VSIG10L2: variants seen among roughly 807,000 people sequenced by gnomAD.
The protein encoded by VSIG10L2 is V-set and immunoglobulin domain containing 10 like 2.
VSIG10L2 carries 56 observed loss-of-function variants against 67.1 expected under a neutral mutation model. That is an observed-to-expected ratio of 0.83 (90% CI 0.67 to 1.04). The LOEUF (loss-of-function observed/expected upper bound fraction) is 1.04. VSIG10L2 is among the 50% of genes least tolerant of loss of function. The pLI, the probability that VSIG10L2 is intolerant of heterozygous loss-of-function variation, is 0.00. For synonymous variants in VSIG10L2, 360 were observed against 396.6 expected (o/e 0.91, Z 1.10); for missense variants, 843 against 932.8 (o/e 0.90, Z 1.25).
chr11:125,950,339 C>T (rs10893451), intron 4 of VSIG10L2, 50 bp downstream of exon 4: 258,197 of 1,231,432 alleles, frequency 0.21, 28,112 homozygotes, highest in East Asian at 0.43. Flanking sequence ...GGACAACTCA[C>T]GCTGGAGCCT....
At chr11:125,950,390 G>A (rs1457840723) in intron 4 of VSIG10L2, 101 bp downstream of exon 4, 1 of 1,173,174 alleles carries the variant, frequency 8.5e-7, no homozygotes, top group Non-Finnish European at 1.1e-6. Flanking sequence ...GTCCCGTGGA[G>A]AGGCGTGTGC....
chr11:125,953,894 C>A (rs1945413027), intron 7 of VSIG10L2, among the ~76,000 whole-genome samples, 193 bp from the exon 8 acceptor site: 1 of 152,212 alleles, frequency 6.6e-6, no homozygotes, highest in African/African-American at 2.4e-5. Context: ...GAACGCCATG[C>A]AGGCAGGATC....
At position 125,949,999 on chromosome 11, in the gene VSIG10L2, T is replaced by C. The variant is rs1945344485; in HGVS notation, c.710-15T>C. On this transcript the variant is annotated splice_polypyrimidine_tract_variant and intron_variant, in intron 3 of 11. Coordinates refer to ENST00000686984, the MANE Select transcript of VSIG10L2 (RefSeq NM_001365077.2). ...TGAAGCTGGGGAGGTGTAACTGGCC[T>C]TCCTTGCTCTCCAGATGGTCCTGAC... The C allele has an allele frequency of 2.4e-5, 30 of 1,232,424 alleles. No individual in the cohort carries two copies. The highest frequency in any genetic ancestry group is 3.0e-5 in the Non-Finnish European group (30 of 988,192). The allele number at this position is 1,232,424 out of a possible 1,614,324, so 76.3% of individuals were successfully genotyped here.
At chr11:125,953,287 T>C (rs774164726) in intron 6 of VSIG10L2, 113 bp from the exon 7 acceptor site, 117 of 916,794 alleles carry the variant, frequency 1.3e-4, no homozygotes, top group African/African-American at 2.4e-4. Flanking sequence ...ACAAGCCTCA[T>C]TGTCAACTCC....
Position 125,948,381 on chromosome 11 carries a change from A to G in VSIG10L2, c.510A>G (p.Ala170=), listed in dbSNP as rs898215933. ...VEGASVVATC[A]VREGTEPVTF... ...GAGCCTCCGTGGTGGCCACGTGTGC[A>G]GTGCGGGAGGGCACAGAGCCCGTGA... Residue 170 remains alanine (A), a synonymous_variant, in exon 3 of 12, where the codon GCA becomes GCG. Transcript: ENST00000686984. 5 of 1,232,150 alleles carry G rather than the reference A, an allele frequency of 4.1e-6. No individual in the cohort carries two copies. In the African/African-American group the frequency reaches 7.8e-5, roughly 19 times the overall value. 76.3% of individuals were successfully genotyped at this position (1,232,150 alleles called of 1,614,324 possible). A position where few individuals can be genotyped will look rare whatever the true frequency, so the allele number is the denominator to read the frequency against.
Position 125,956,234 on chromosome 11 carries a change from G to A in VSIG10L2, c.*320G>A. On this transcript the variant is annotated 3_prime_UTR_variant, in exon 12 of 12. Coordinates refer to ENST00000686984, the MANE Select transcript of VSIG10L2 (RefSeq NM_001365077.2). ...ACTGGGAAGGATCTGTGGTGCTATA[G>A]AAGTATGAGCAAGCTAGCTGCTTCC... 1.9e-6 allele frequency: 1 copy of A among 529,984 alleles called. No individual in the cohort carries two copies. Among genetic ancestry groups the A allele is most frequent in the Non-Finnish European group, 3.6e-6 (1 of 276,964 alleles). 32.8% of individuals were successfully genotyped at this position (529,984 alleles called of 1,614,324 possible).
chr11:125,952,755 G>T (rs1945394553), intron 6 of VSIG10L2, among the ~76,000 whole-genome samples: 1 of 152,168 alleles, frequency 6.6e-6, no homozygotes, highest in Non-Finnish European at 1.5e-5. Flanking sequence ...CAGGAAAAAA[G>T]AATTAAATAT....
Position 125,950,191 on chromosome 11 carries a change from C to T in VSIG10L2, c.887C>T (p.Ala296Val). The T allele has an allele frequency of 8.1e-7, 1 of 1,232,374 alleles. No individual in the cohort carries two copies. The highest frequency in any genetic ancestry group is 1.0e-6 in the Non-Finnish European group (1 of 988,126). The allele number at this position is 1,232,374 out of a possible 1,614,324, so 76.3% of individuals were successfully genotyped here. ...QVHTGPTYVIARAGRVHTGLY... is the reference protein window; with the variant it reads ...QVHTGPTYVIVRAGRVHTGLY... The stretch of plus-strand genomic sequence containing the variant: ...CACACGGGGCCTACCTATGTCATCG[C>T]CAGAGCTGGCCGTGTCCACACAGGC... Residue 296 changes from alanine to valine, a missense_variant, in exon 4 of 12, where the codon GCC becomes GTC. Around this residue, in one of 2 missense-constraint regions of VSIG10L2, gnomAD observed 446 missense variants for 548.4 expected, o/e 0.81. Transcript: ENST00000686984.
At chr11:125,950,877 G>A in intron 4 of VSIG10L2, 33 bp from the exon 5 acceptor site, 1 of 1,232,580 alleles carries the variant, frequency 8.1e-7, no homozygotes, top group Non-Finnish European at 1.0e-6. Context: ...TGGCAGTGGA[G>A]CCTGCTCCAG....
Position 125,951,048 on chromosome 11 carries a change from G to A in VSIG10L2, c.1124G>A (p.Ser375Asn). 8.1e-7 allele frequency: 1 copy of A among 1,232,490 alleles called. No homozygotes were observed. Among genetic ancestry groups the A allele is most frequent in the Middle Eastern group, 3.1e-4 (1 of 3,210 alleles). The allele number at this position is 1,232,490 out of a possible 1,614,324, so 76.3% of individuals were successfully genotyped here. A position where few individuals can be genotyped will look rare whatever the true frequency, so the allele number is the denominator to read the frequency against. ...GPQGPGPTAP[S>N]NVTWSHAAAQ... ...CAGGGACCTGGCCCTACTGCCCCCAGCAACGTCACCTGGAGTCACGCAGCC... is the reference window on the plus strand; with the variant it reads ...CAGGGACCTGGCCCTACTGCCCCCAACAACGTCACCTGGAGTCACGCAGCC... Residue 375 changes from serine to asparagine, a missense_variant, in exon 5 of 12, where the codon AGC (serine) becomes AAC (asparagine). Transcript: ENST00000686984.
Position 125,952,034 on chromosome 11 carries a change from C to T in VSIG10L2, c.1456C>T (p.Leu486=), listed in dbSNP as rs1236943012. 1 of 1,535,860 alleles carries T rather than the reference C, an allele frequency of 6.5e-7. No homozygotes were observed. Among genetic ancestry groups the T allele is most frequent in the African/African-American group, 1.4e-5 (1 of 73,182 alleles). ...AGAGTTCACCTGCCGGGGCACTCAC[C>T]TGCTCAGGACCCCTGACCCCCACTG... The part of the protein sequence containing the change: ...GREFTCRGTH[L]LRTPDPHCHL... The change falls in exon 6 of 12, where the codon CTG becomes TTG. Residue 486 remains leucine (L), a synonymous_variant. Transcript: ENST00000686984.
Position 125,955,197 on chromosome 11 carries a change from G to T in VSIG10L2, c.2206+18G>T. 1.6e-6 allele frequency: 2 copies of T among 1,249,420 alleles called. No homozygotes were observed. Among genetic ancestry groups the T allele is most frequent in the Non-Finnish European group, 2.0e-6 (2 of 998,464 alleles). The allele number at this position is 1,249,420 out of a possible 1,614,324, so 77.4% of individuals were successfully genotyped here. A position where few individuals can be genotyped will look rare whatever the true frequency, so the allele number is the denominator to read the frequency against. On this transcript the variant is annotated intron_variant, in intron 9 of 11. Transcript: ENST00000686984. ...TTTCCCCCGTGAGTGGGAATCGGAA[G>T]GGACGGGCTGCTTGACCCCACAGGG...
intron 5 of VSIG10L2, 81 bp downstream of exon 5, chr11:125,951,239 G>A (rs890162328): frequency 1.1e-5 from 14 of 1,223,774 alleles, no homozygotes; most frequent in Non-Finnish European, 1.4e-5. Context: ...CGGGGGGCCT[G>A]GGATCTGGGT....
chr11:125,948,729 T>G (rs1945326725), intron 3 of VSIG10L2, 149 bp downstream of exon 3: 2 of 872,024 alleles, frequency 2.3e-6, no homozygotes, highest in Admixed American at 4.3e-5. Context: ...AGTCACGGGG[T>G]GCCGTGCCCC....
rs1280701306 is a variant in VSIG10L2 at position 125,947,871 on chromosome 11, G to C, written c.268G>C (p.Val90Leu). The change falls in exon 2 of 12, where the codon GTG becomes CTG. Residue 90 changes from valine (V) to leucine (L), a missense_variant. This residue lies in a region of VSIG10L2 where 446 missense variants were observed against 548.4 expected (regional missense o/e 0.81). Coordinates refer to ENST00000686984, the MANE Select transcript of VSIG10L2 (RefSeq NM_001365077.2). ...VAVTDGAMSK[V>L]EAIASALGVV... ...CGTCACCGATGGAGCCATGTCCAAG[G>C]TGGAGGCCATCGCCTCGGCTCTGGG... is the stretch of plus-strand genomic sequence containing the variant. 3.2e-6 allele frequency: 4 copies of C among 1,232,206 alleles called. No homozygotes were observed. Among genetic ancestry groups the C allele is most frequent in the Non-Finnish European group, 4.0e-6 (4 of 988,104 alleles). The allele number at this position is 1,232,206 out of a possible 1,614,324, so 76.3% of individuals were successfully genotyped here.
rs1197486678 is a variant in VSIG10L2 at position 125,948,050 on chromosome 11, C to T, written c.433+14C>T. The stretch of plus-strand genomic sequence containing the variant: ...TGGCTGTGCTGGGTGAGGGCCTGGC[C>T]CCAGCTGCAGCTGGTCCGCGGGCTG... On this transcript the variant is annotated intron_variant, in intron 2 of 11. Coordinates refer to ENST00000686984, the MANE Select transcript of VSIG10L2 (RefSeq NM_001365077.2). 4 of 1,232,496 alleles carry T rather than the reference C, an allele frequency of 3.2e-6. No homozygotes were observed. The highest frequency in any genetic ancestry group is 4.0e-6 in the Non-Finnish European group (4 of 988,384). 76.3% of individuals were successfully genotyped at this position (1,232,496 alleles called of 1,614,324 possible).
In VSIG10L2 at chr11:125,950,294, G is replaced by A; in HGVS notation, c.985+5G>A. 4.9e-6 allele frequency: 6 copies of A among 1,232,462 alleles called. No individual in the cohort carries two copies. In the African/African-American group the frequency reaches 6.2e-5, roughly 13 times the overall value. 76.3% of individuals were successfully genotyped at this position (1,232,462 alleles called of 1,614,324 possible). ...CTGTCCAGCTCACCATCTACTGTGA[G>A]TGTGGGGGTCGGGTGACGCCCAGAC... On this transcript the variant is annotated splice_donor_5th_base_variant and intron_variant, in intron 4 of 11. Coordinates refer to ENST00000686984, the MANE Select transcript of VSIG10L2 (RefSeq NM_001365077.2).
At chr11:125,954,846 G>A (rs1215233243) in intron 8 of VSIG10L2, among the ~76,000 whole-genome samples, 2 of 152,186 alleles carry the variant, frequency 1.3e-5, no homozygotes, top group African/African-American at 2.4e-5. Context: ...TTTGGCAGGA[G>A]AGTCAAACCC....
chr11:125,950,076 GC>G lies in VSIG10L2; in HGVS notation c.774del (p.Ser259ValfsTer6). 8.1e-7 allele frequency: 1 copy of G among 1,232,450 alleles called. No individual in the cohort carries two copies. The highest frequency in any genetic ancestry group is 1.5e-5 in the African/African-American group (1 of 64,546). The allele number at this position is 1,232,450 out of a possible 1,614,324, so 76.3% of individuals were successfully genotyped here. On this transcript the variant is annotated frameshift_variant, in exon 4 of 12. Coordinates refer to ENST00000686984, the MANE Select transcript of VSIG10L2 (RefSeq NM_001365077.2). LOFTEE classifies it high-confidence loss of function. ...PLGLTEEGFW[A>X]SEREEVTLSC... ...GGGACTCACTGAGGAGGGCTTCTGG[GC>G]CAGTGAGAGGGAAGAGGTGACCCTG...
Sources: gnomAD v4.1 joint callset for allele counts (sites outside exome capture counted in the v4.1 genomes callset) on GRCh38, gnomAD v4.1.1 for gene constraint, gnomAD v4.1.1 regional missense constraint, MANE v1.5 for transcripts, NCBI Gene and HGNC (gene_info 2026-07-23, HGNC 2026-07-21) for gene names.